The following ELL2 variants were observed in gnomAD, a reference collection of about 807,000 sequenced individuals.
The protein encoded by ELL2 is elongation factor for RNA polymerase II 2.
ELL2 carries 21 observed loss-of-function variants against 72.8 expected under a neutral mutation model. The ratio of observed to expected loss-of-function variants is 0.29; its 90% CI spans 0.20 to 0.42. The LOEUF (loss-of-function observed/expected upper bound fraction) is 0.42. ELL2 is among the 10% of genes least tolerant of loss of function. The pLI is 1.00. For missense variants in ELL2, 568 were observed against 772.8 expected, an observed-to-expected ratio of 0.73 and a Z score of 3.14; for synonymous variants, 266 against 283.2, an observed-to-expected ratio of 0.94 and a Z score of 0.61.
chr5:95,898,417 G>T lies in ELL2; in HGVS notation c.1348C>A (p.Pro450Thr). 6.2e-7 allele frequency: 1 copy of T among 1,613,312 alleles called. No individual in the cohort carries two copies. The highest frequency in any genetic ancestry group is 8.5e-7 in the Non-Finnish European group (1 of 1,179,852). The change falls in exon 8 of 12, where the codon CCT becomes ACT. Residue 450 changes from proline (P) to threonine (T), a missense_variant. By Grantham distance (38) the Pro-to-Thr change is conservative. Transcript: ENST00000237853. ...PGSVLLKCPK[P>T]MEENHSMSHK... ...GACATTGAATGGTTTTCTTCCATAGGCTTTGGACACTTTAGTAGAACGGAA... is the reference window on the plus strand; with the variant it reads ...GACATTGAATGGTTTTCTTCCATAGTCTTTGGACACTTTAGTAGAACGGAA...
At chr5:95,960,273 C>G (rs1012829460) in intron 1 of ELL2, among the ~76,000 whole-genome samples, 5 of 152,032 alleles carry the variant, frequency 3.3e-5, no homozygotes, top group African/African-American at 1.2e-4. Context: ...ACTCTCTCCT[C>G]TCCTGTAAAA....
rs560026642 is a variant in ELL2, at chr5:95,938,505, C to T, written c.195+4497G>A. On this transcript the variant is annotated intron_variant, in intron 2 of 11. Transcript: ENST00000237853. ...TTGGGAAGCCCAGTCAGGAGTATTG[C>T]TTGAAGCCAGGAATTTGAGGCCAGC... 1.1e-4 allele frequency among the ~76,000 whole-genome samples: 16 copies of T among 152,256 alleles called. 1 individual carries two copies. The South Asian group carries it at 3.3e-3, about 32-fold the overall frequency.
chr5:95,926,932 A>G (rs1389772617), intron 2 of ELL2, among the ~76,000 whole-genome samples: 1 of 152,202 alleles, frequency 6.6e-6, no homozygotes, highest in Admixed American at 6.5e-5. Flanking sequence ...AAATTACAAA[A>G]AACTACCTTG....
At chr5:95,930,455 C>A (rs1461503626) in intron 2 of ELL2, among the ~76,000 whole-genome samples, 1 of 152,120 alleles carries the variant, frequency 6.6e-6, no homozygotes, top group African/African-American at 2.4e-5. Context: ...TGGTTTCACC[C>A]CAACCTAATC....
intron 1 of ELL2, among the ~76,000 whole-genome samples, chr5:95,949,781 G>A (rs1202325723): frequency 6.6e-6 from 1 of 151,964 alleles, no homozygotes. Context: ...AAGTGGTGAT[G>A]GTTCAAGTGA....
At chr5:95,944,361 A>G (rs1410464045) in intron 1 of ELL2, among the ~76,000 whole-genome samples, 1 of 152,222 alleles carries the variant, frequency 6.6e-6, no homozygotes, top group East Asian at 1.9e-4. Context: ...ACCATAAAAG[A>G]TCATTTAACT....
At chr5:95,916,040 T>G (rs1749781117) in intron 3 of ELL2, among the ~76,000 whole-genome samples, 1 of 151,470 alleles carries the variant, frequency 6.6e-6, no homozygotes. Flanking sequence ...AGAGGCCACT[T>G]AGGATGCTAC....
rs572504065 is a variant in ELL2 at position 95,942,937 on chromosome 5, A to G, written c.195+65T>C. Reference sequence around the variant, plus strand: ...TAATAAAAGGGTCAACTGAAAACGGATTTTAAAAGTTGAATAGCGTGCAAG... The same window carrying G: ...TAATAAAAGGGTCAACTGAAAACGGGTTTTAAAAGTTGAATAGCGTGCAAG... On this transcript the variant is annotated intron_variant, in intron 2 of 11. Transcript: ENST00000237853. The G allele has an allele frequency of 1.7e-5, 22 of 1,301,588 alleles. No homozygotes were observed. In the Admixed American group the frequency reaches 4.7e-4, roughly 28 times the overall value. The allele number at this position is 1,301,588 out of a possible 1,614,324, so 80.6% of individuals were successfully genotyped here. A position where few individuals can be genotyped will look rare whatever the true frequency, so the allele number is the denominator to read the frequency against.
At chr5:95,905,678 G>T (rs1214725143) in intron 5 of ELL2, among the ~76,000 whole-genome samples, 1 of 151,510 alleles carries the variant, frequency 6.6e-6, no homozygotes, top group Non-Finnish European at 1.5e-5. Flanking sequence ...TGTTGTGAAT[G>T]TAAGAGATAA....
intron 2 of ELL2, among the ~76,000 whole-genome samples, chr5:95,934,821 A>G (rs917642974): frequency 1.3e-5 from 2 of 152,136 alleles, no homozygotes; most frequent in African/African-American, 2.4e-5. Flanking sequence ...AATTTCTTTT[A>G]TGTTTCTCGA....
chr5:95,952,118 C>T (rs112973456), intron 1 of ELL2, among the ~76,000 whole-genome samples: 35 of 152,240 alleles, frequency 2.3e-4, no homozygotes, highest in African/African-American at 7.7e-4. Context: ...GAATACAACA[C>T]AGCAACGAAA....
intron 1 of ELL2, among the ~76,000 whole-genome samples, chr5:95,953,658 A>G (rs1485253957): frequency 6.7e-6 from 1 of 149,440 alleles, no homozygotes; most frequent in East Asian, 2.0e-4. Context: ...ATGTATAGCA[A>G]AAGTTTTATG....
chr5:95,941,953 T>G (rs763822348), intron 2 of ELL2, among the ~76,000 whole-genome samples: 19 of 152,240 alleles, frequency 1.2e-4, no homozygotes, highest in Non-Finnish European at 2.4e-4. Flanking sequence ...GAACACTTAG[T>G]CACTGAAGAG....
intron 4 of ELL2, among the ~76,000 whole-genome samples, chr5:95,907,544 A>G (rs1255548304): frequency 6.6e-6 from 1 of 152,084 alleles, no homozygotes; most frequent in Non-Finnish European, 1.5e-5. Flanking sequence ...GCAAGTGGCT[A>G]CTTCTAGAAC....
intron 1 of ELL2, among the ~76,000 whole-genome samples, chr5:95,958,552 TC>T (rs1264326887): frequency 3.9e-5 from 6 of 152,222 alleles, no homozygotes; most frequent in Non-Finnish European, 8.8e-5. Flanking sequence ...ACAGTTTCAC[TC>T]CAATTCCTGC....
chr5:95,918,829 C>T (rs1022537752), intron 3 of ELL2, among the ~76,000 whole-genome samples: 1 of 151,580 alleles, frequency 6.6e-6, no homozygotes, highest in African/African-American at 2.4e-5. Flanking sequence ...AGATAAGCGT[C>T]CCATGGTACC....
intron 1 of ELL2, among the ~76,000 whole-genome samples, chr5:95,947,008 C>T (rs1186624794): frequency 6.6e-6 from 1 of 152,166 alleles, no homozygotes; most frequent in Non-Finnish European, 1.5e-5. Flanking sequence ...CCAAACAAAA[C>T]TCTGGTGCCA....
intron 1 of ELL2, among the ~76,000 whole-genome samples, chr5:95,961,301 G>A (rs1428106842): frequency 6.6e-6 from 1 of 151,980 alleles, no homozygotes; most frequent in Non-Finnish European, 1.5e-5. Flanking sequence ...GGGGGCCGTC[G>A]GAAAGTCCCG....
intron 2 of ELL2, among the ~76,000 whole-genome samples, chr5:95,941,702 A>G (rs549569051): frequency 8.5e-4 from 130 of 152,302 alleles, no homozygotes; most frequent in African/African-American, 2.9e-3. Flanking sequence ...TCTTCTCCCA[A>G]GATAATCCTT....
Sources: gnomAD v4.1 joint callset for allele counts (sites outside exome capture counted in the v4.1 genomes callset) on GRCh38, gnomAD v4.1.1 for gene constraint, MANE v1.5 for transcripts, NCBI Gene and HGNC (gene_info 2026-07-23, HGNC 2026-07-21) for gene names.